Variants in EPDR1 observed in about 807,000 individuals in gnomAD.
The protein encoded by EPDR1 is ependymin related 1, also known as mammalian ependymin-related protein 1.
A neutral mutation model predicts 23.7 loss-of-function variants in EPDR1; 27 were observed. That is an observed-to-expected ratio of 1.14 (90% confidence interval 0.84 to 1.57). The LOEUF (loss-of-function observed/expected upper bound fraction) is 1.57, where lower values mean the gene tolerates loss of function less well. Among genes scored for constraint, EPDR1 ranks in the 40% most tolerant of loss-of-function variants. The probability of loss-of-function intolerance (pLI) is 0.00; values close to 1 mark genes in which losing one functional copy is unlikely to be tolerated. For synonymous variants in EPDR1, 137 were observed against 118.2 expected (o/e 1.16, Z -1.03); for missense variants, 349 against 290.4 (o/e 1.20, Z -1.47).
At chr7:37,921,875 T>C (rs1016647070) in intron 1 of EPDR1, among the ~76,000 whole-genome samples, 10 of 152,244 alleles carry the variant, frequency 6.6e-5, no homozygotes, top group Non-Finnish European at 1.2e-4. Flanking sequence ...ATGTTCTTAT[T>C]TGCCATTTTA....
Position 37,951,538 on chromosome 7 carries a change from C to T in EPDR1, c.*1142C>T, listed in dbSNP as rs530148712. ...ACCTTGTATGTTTACTTTTATATCC[C>T]TAGCACAAAGCAAGTGCCTGGCACA... On this transcript the variant is annotated 3_prime_UTR_variant, in exon 3 of 3. Coordinates refer to ENST00000199448, the MANE Select transcript of EPDR1 (RefSeq NM_017549.5). The T allele has an allele frequency of 6.6e-6, 1 of 152,332 alleles. No individual in the cohort carries two copies. The highest frequency in any genetic ancestry group is 2.4e-5 in the African/African-American group (1 of 41,566). 9.4% of individuals were successfully genotyped at this position (152,332 alleles called of 1,614,324 possible).
intron 1 of EPDR1, 145 bp downstream of exon 1, chr7:37,921,353 T>G (rs4723716): frequency 1 from 1,416,210 of 1,416,210 alleles, 708,105 homozygotes; most frequent in Non-Finnish European, 1. Context: ...GAGGAGGGTC[T>G]CTTGGGGATA....
At chr7:37,921,385 G>C (rs772326362) in intron 1 of EPDR1, 177 bp downstream of exon 1, 1 of 1,392,370 alleles carries the variant, frequency 7.2e-7, no homozygotes, top group Non-Finnish European at 9.3e-7. Context: ...GACTGGGAGG[G>C]GCGCTGCGCC....
chr7:37,940,220 T>C (rs536281371), intron 1 of EPDR1, among the ~76,000 whole-genome samples: 50 of 152,318 alleles, frequency 3.3e-4, no homozygotes, highest in African/African-American at 1.1e-3. Flanking sequence ...ACATATGTAG[T>C]TGCTTATTTT....
chr7:37,948,866 A>G lies in EPDR1; in HGVS notation c.296A>G (p.Lys99Arg). 1 of 1,614,122 alleles carries G rather than the reference A, an allele frequency of 6.2e-7. No homozygotes were observed. Among genetic ancestry groups the G allele is most frequent in the Non-Finnish European group, 8.5e-7 (1 of 1,179,994 alleles). Residue 99 changes from lysine to arginine, a missense_variant, in exon 2 of 3, where the codon AAG becomes AGG. Lys to Arg is a conservative substitution (Grantham distance 26). Transcript: ENST00000199448. ...KRLFEYILLYKDGVMFQIDQA... is the reference protein window; with the variant it reads ...KRLFEYILLYRDGVMFQIDQA... ...TTATTTGAATATATTTTGCTGTATA[A>G]GGATGGAGTGATGTTTCAGATTGAC...
At position 37,950,474 on chromosome 7, in the gene EPDR1, A is replaced by G; in HGVS notation, c.*78A>G. 8.1e-7 allele frequency: 1 copy of G among 1,240,558 alleles called. No homozygotes were observed. The highest frequency in any genetic ancestry group is 1.5e-5 in the South Asian group (1 of 64,936). The allele number at this position is 1,240,558 out of a possible 1,614,324, so 76.8% of individuals were successfully genotyped here. ...CTGGAGATGGATATGAGACTAGTCA[A>G]GATGTGAATGCTAATTGGAGAGAAA... On this transcript the variant is annotated 3_prime_UTR_variant, in exon 3 of 3. Transcript: ENST00000199448.
chr7:37,921,498 C>G (rs1394906432), intron 1 of EPDR1: 26 of 1,337,806 alleles, frequency 1.9e-5, no homozygotes, highest in Middle Eastern at 3.8e-4. Flanking sequence ...CAGAGTGCCC[C>G]ATGCCCAGGT....
chr7:37,931,910 G>A (rs1785949470), intron 1 of EPDR1, among the ~76,000 whole-genome samples: 2 of 152,216 alleles, frequency 1.3e-5, no homozygotes, highest in South Asian at 2.1e-4. Context: ...GGGTTTCACT[G>A]TGTTAGCCAG....
intron 1 of EPDR1, among the ~76,000 whole-genome samples, chr7:37,935,557 C>A (rs1393164001): frequency 2.0e-5 from 3 of 152,136 alleles, no homozygotes; most frequent in Non-Finnish European, 4.4e-5. Context: ...AGAGAGATGA[C>A]ATTTATTATC....
rs1786390753 is a variant in EPDR1 at position 37,950,831 on chromosome 7, T to C, written c.*435T>C. ...GTCAATTTTATTATTAATTCTTAAATTCCCTGCAGAGAATGCCCCCTTTAT... is the reference window on the plus strand; with the variant it reads ...GTCAATTTTATTATTAATTCTTAAACTCCCTGCAGAGAATGCCCCCTTTAT... On this transcript the variant is annotated 3_prime_UTR_variant, in exon 3 of 3. Coordinates refer to ENST00000199448, the MANE Select transcript of EPDR1 (RefSeq NM_017549.5). 1 of 154,278 alleles carries C rather than the reference T, an allele frequency of 6.5e-6. No individual in the cohort carries two copies. Among genetic ancestry groups the C allele is most frequent in the Non-Finnish European group, 1.4e-5 (1 of 69,422 alleles). The allele number at this position is 154,278 out of a possible 1,614,324, so 9.6% of individuals were successfully genotyped here.
chr7:37,940,041 G>T (rs1367712813), intron 1 of EPDR1, among the ~76,000 whole-genome samples: 1 of 152,108 alleles, frequency 6.6e-6, no homozygotes, highest in African/African-American at 2.4e-5. Flanking sequence ...ATGTTTATTG[G>T]TAGAAGACTG....
chr7:37,937,825 T>C (rs1786085033), intron 1 of EPDR1, among the ~76,000 whole-genome samples: 1 of 151,364 alleles, frequency 6.6e-6, no homozygotes, highest in African/African-American at 2.5e-5. Flanking sequence ...ATAAAAAATA[T>C]AAACATTTCT....
chr7:37,939,926 A>T (rs1562861748), intron 1 of EPDR1, among the ~76,000 whole-genome samples: 1 of 152,218 alleles, frequency 6.6e-6, no homozygotes, highest in African/African-American at 2.4e-5. Context: ...TTACCTTTTG[A>T]CCTGGTAATT....
intron 1 of EPDR1, among the ~76,000 whole-genome samples, chr7:37,947,927 G>C (rs1471905034): frequency 6.6e-6 from 1 of 152,210 alleles, no homozygotes. Flanking sequence ...GAGAAACTCA[G>C]CTAAGGGAGT....
intron 1 of EPDR1, among the ~76,000 whole-genome samples, chr7:37,931,262 C>T (rs964900964): frequency 2.6e-5 from 4 of 152,010 alleles, no homozygotes; most frequent in African/African-American, 4.8e-5. Context: ...GCTTGTAATC[C>T]CAGCACTTTG....
intron 1 of EPDR1, chr7:37,926,817 G>A (rs921810154): frequency 9.7e-6 from 4 of 410,812 alleles, no homozygotes; most frequent in Non-Finnish European, 2.0e-5. Flanking sequence ...GTAAGATTTG[G>A]TAGGGAAATA....
chr7:37,927,833 C>T (rs982877174), intron 1 of EPDR1, among the ~76,000 whole-genome samples: 5 of 152,298 alleles, frequency 3.3e-5, no homozygotes, highest in African/African-American at 1.2e-4. Context: ...TCTCAGATGG[C>T]TGGAGATAGC....
intron 1 of EPDR1, among the ~76,000 whole-genome samples, chr7:37,922,104 T>C (rs1244782627): frequency 2.0e-5 from 3 of 152,106 alleles, no homozygotes; most frequent in East Asian, 1.9e-4. Context: ...CCGTTCCCCC[T>C]AAGTGTGTTC....
At chr7:37,936,282 T>C (rs918255427) in intron 1 of EPDR1, among the ~76,000 whole-genome samples, 1 of 151,976 alleles carries the variant, frequency 6.6e-6, no homozygotes, top group African/African-American at 2.4e-5. Flanking sequence ...AGGCAGTTGA[T>C]AACATTCAAC....
Sources: allele counts gnomAD v4.1 joint callset (sites outside exome capture counted in the v4.1 genomes callset), GRCh38; gene constraint gnomAD v4.1.1; transcripts MANE v1.5; gene names NCBI Gene and HGNC (gene_info 2026-07-23, HGNC 2026-07-21).